The following BBX variants were observed in gnomAD, a reference collection of about 807,000 sequenced individuals.
BBX encodes the protein HMG box transcription factor BBX.
Under a neutral mutation model 100.2 loss-of-function variants are expected in BBX, and 30 were observed. The observed-to-expected ratio is 0.30, with a 90% confidence interval of 0.22 to 0.41. The LOEUF is 0.41. Ranked by LOEUF, BBX falls within the 10% of genes least tolerant of loss-of-function variation. The pLI, the probability that BBX is intolerant of heterozygous loss-of-function variation, is 1.00. For synonymous variants in BBX, 376 were observed against 388.1 expected, an observed-to-expected ratio of 0.97 and a Z score of 0.37; for missense variants, 1,023 against 1,129.8, an observed-to-expected ratio of 0.91 and a Z score of 1.35.
chr3:107,602,947 T>G (rs1365420567), intron 2 of BBX, among the ~76,000 whole-genome samples: 1 of 151,464 alleles, frequency 6.6e-6, no homozygotes, highest in Non-Finnish European at 1.5e-5. Context: ...TTCCAGTGTT[T>G]TTTTGTTTTG....
At chr3:107,688,392 T>C (rs1352444505) in intron 3 of BBX, among the ~76,000 whole-genome samples, 4 of 152,218 alleles carry the variant, frequency 2.6e-5, no homozygotes, top group South Asian at 2.1e-4. Context: ...CAGGTCACAG[T>C]TGGCAAAGTT....
chr3:107,619,327 C>G (rs984019194), intron 2 of BBX, among the ~76,000 whole-genome samples: 1 of 152,040 alleles, frequency 6.6e-6, no homozygotes, highest in Non-Finnish European at 1.5e-5. Context: ...TTTTTAACCA[C>G]TGCCAGTCTG....
chr3:107,607,579 A>C (rs2054544214), intron 2 of BBX, among the ~76,000 whole-genome samples: 1 of 152,184 alleles, frequency 6.6e-6, no homozygotes, highest in African/African-American at 2.4e-5. Context: ...TATATCTAGC[A>C]GTGGGATTGC....
chr3:107,624,539 A>G (rs1165052192), intron 2 of BBX, among the ~76,000 whole-genome samples: 1 of 152,232 alleles, frequency 6.6e-6, no homozygotes, highest in African/African-American at 2.4e-5. Context: ...ACATATTAAT[A>G]GAATTATCAT....
intron 5 of BBX, among the ~76,000 whole-genome samples, chr3:107,723,220 A>G (rs1051210040): frequency 6.6e-5 from 10 of 151,964 alleles, no homozygotes; most frequent in African/African-American, 2.4e-4. Context: ...GAAAAGATCT[A>G]GACTGTAATA....
rs572300981 is a variant in BBX, at chr3:107,800,969, T to C, written c.2552-126T>C. 87 of 899,402 alleles carry C rather than the reference T, an allele frequency of 9.7e-5. No individual in the cohort carries two copies. The South Asian group carries it at 1.4e-3, about 14-fold the overall frequency. The allele number at this position is 899,402 out of a possible 1,614,324, so 55.7% of individuals were successfully genotyped here. A position where few individuals can be genotyped will look rare whatever the true frequency, so the allele number is the denominator to read the frequency against. On this transcript the variant is annotated intron_variant, in intron 16 of 17. Coordinates refer to ENST00000325805, the MANE Select transcript of BBX (RefSeq NM_001142568.3). Reference sequence around the variant, plus strand: ...ATTCTGTAAAAGCCTTAATATTCGATGGATAGCAAAAGTGAATGGTAGAGA... The same window carrying C: ...ATTCTGTAAAAGCCTTAATATTCGACGGATAGCAAAAGTGAATGGTAGAGA...
At chr3:107,580,782 C>G (rs907992401) in intron 2 of BBX, among the ~76,000 whole-genome samples, 1 of 152,184 alleles carries the variant, frequency 6.6e-6, no homozygotes, top group African/African-American at 2.4e-5. Context: ...CAGGCATGCA[C>G]CACCATGCCT....
At chr3:107,684,874 T>C (rs2059761466) in intron 3 of BBX, among the ~76,000 whole-genome samples, 2 of 152,232 alleles carry the variant, frequency 1.3e-5, no homozygotes, top group Non-Finnish European at 2.9e-5. Flanking sequence ...TCATCTTTTT[T>C]TTCTGATTGT....
At chr3:107,690,892 C>CCTTTTTTTT (rs1553769848) in intron 3 of BBX, among the ~76,000 whole-genome samples, 1 of 41,192 alleles carries the variant, frequency 2.4e-5, no homozygotes, top group African/African-American at 1.1e-4. Flanking sequence ...GCCCCCCCCC[C>CCTTTTTTTT]TTTTTTTTTT....
intron 2 of BBX, among the ~76,000 whole-genome samples, chr3:107,564,100 T>C (rs1417992274): frequency 6.6e-6 from 1 of 152,092 alleles, no homozygotes. Flanking sequence ...CAGAAAATAG[T>C]ATCTTGTTTT....
intron 2 of BBX, among the ~76,000 whole-genome samples, chr3:107,576,082 T>C (rs1363363125): frequency 6.6e-6 from 1 of 152,168 alleles, no homozygotes; most frequent in Non-Finnish European, 1.5e-5. Flanking sequence ...CCAAGGAATA[T>C]AAAATTAGTT....
intron 3 of BBX, among the ~76,000 whole-genome samples, chr3:107,678,435 A>G (rs2059395370): frequency 6.6e-6 from 1 of 152,090 alleles, no homozygotes; most frequent in Non-Finnish European, 1.5e-5. Flanking sequence ...AGAAGTTATT[A>G]TGGGCCTAGC....
At chr3:107,578,899 C>G (rs1334744570) in intron 2 of BBX, among the ~76,000 whole-genome samples, 2 of 152,146 alleles carry the variant, frequency 1.3e-5, no homozygotes, top group Admixed American at 1.3e-4. Flanking sequence ...AAGGCAGTTG[C>G]AGGCGGCAGC....
chr3:107,642,963 A>G (rs918157641), intron 2 of BBX, among the ~76,000 whole-genome samples: 1 of 152,202 alleles, frequency 6.6e-6, no homozygotes, highest in Non-Finnish European at 1.5e-5. Flanking sequence ...GCAGTCATTC[A>G]TGGGGATTAA....
intron 2 of BBX, chr3:107,599,524 G>C (rs2053910818): frequency 6.6e-6 from 1 of 152,122 alleles, no homozygotes; most frequent in Non-Finnish European, 1.5e-5. Flanking sequence ...GAATTTTGTT[G>C]TCACATCGTG....
intron 4 of BBX, among the ~76,000 whole-genome samples, chr3:107,715,303 G>T (rs2062022415): frequency 6.6e-6 from 1 of 152,144 alleles, no homozygotes; most frequent in Admixed American, 6.5e-5. Flanking sequence ...TGGAAACTCT[G>T]GGAATGGGAT....
At chr3:107,752,147 A>G (rs556265377) in intron 9 of BBX, among the ~76,000 whole-genome samples, 1 of 152,198 alleles carries the variant, frequency 6.6e-6, no homozygotes, top group Non-Finnish European at 1.5e-5. Context: ...GGTGATTTAG[A>G]TAGATTTGGA....
chr3:107,654,148 A>G (rs989099947), intron 3 of BBX, among the ~76,000 whole-genome samples: 3 of 152,218 alleles, frequency 2.0e-5, no homozygotes, highest in Admixed American at 1.3e-4. Flanking sequence ...ACCTCTTTTT[A>G]TAGCAATCAT....
chr3:107,718,962 A>G (rs749382505), intron 5 of BBX, among the ~76,000 whole-genome samples: 13 of 151,994 alleles, frequency 8.6e-5, no homozygotes, highest in South Asian at 2.1e-4. Context: ...AGTGATTCCT[A>G]CTTGTTTCAT....
Sources: gnomAD v4.1 joint callset for allele counts (sites outside exome capture counted in the v4.1 genomes callset) on GRCh38, gnomAD v4.1.1 for gene constraint, MANE v1.5 for transcripts, NCBI Gene and HGNC (gene_info 2026-07-23, HGNC 2026-07-21) for gene names.